The following PTPRD variants were observed in gnomAD, a reference collection of about 807,000 sequenced individuals.
The protein encoded by PTPRD is protein tyrosine phosphatase receptor type D, also known as receptor-type tyrosine-protein phosphatase delta.
PTPRD carries 34 observed loss-of-function variants against 214.5 expected under a neutral mutation model. The ratio of observed to expected loss-of-function variants is 0.16; its 90% confidence interval spans 0.12 to 0.21. PTPRD has a LOEUF of 0.21. PTPRD is among the 10% of genes least tolerant of loss of function. The pLI, the probability that PTPRD is intolerant of heterozygous loss-of-function variation, is 1.00. For missense variants in PTPRD, 2,545 were observed against 2,398.7 expected, an observed-to-expected ratio of 1.06 and a Z score of -1.27; for synonymous variants, 1,128 against 845.7, an observed-to-expected ratio of 1.33 and a Z score of -5.79.
intron 9 of PTPRD, among the ~76,000 whole-genome samples, chr9:9,256,244 A>T (rs1594667720): frequency 1.3e-5 from 2 of 152,162 alleles, no homozygotes; most frequent in East Asian, 1.9e-4. Context: ...GAAATTATAA[A>T]GGAAAGATCT....
rs1242577504 is a variant in PTPRD, at chr9:10,311,482, C to G, written c.-545+29481G>C. Among the ~76,000 whole-genome samples, 5 of 152,000 alleles carry G rather than the reference C, an allele frequency of 3.3e-5. No individual in the cohort carries two copies. In the East Asian group the frequency reaches 9.7e-4, roughly 29 times the overall value. ...TCATCTTATTTTGAAATTCAGTTCT[C>G]TCATCTACAAAATCAAGATAAATAT... On this transcript the variant is annotated intron_variant, in intron 3 of 45. Transcript: ENST00000381196.
At chr9:9,132,588 T>G (rs2099844457) in intron 10 of PTPRD, among the ~76,000 whole-genome samples, 1 of 152,214 alleles carries the variant, frequency 6.6e-6, no homozygotes, top group African/African-American at 2.4e-5. Context: ...GGAGACATAG[T>G]ATTCTCATTC....
At chr9:9,391,842 C>T (rs746739314) in intron 9 of PTPRD, among the ~76,000 whole-genome samples, 1 of 152,066 alleles carries the variant, frequency 6.6e-6, no homozygotes, top group Non-Finnish European at 1.5e-5. Flanking sequence ...TTCTACACAC[C>T]GTTTGTTCCT....
intron 5 of PTPRD, among the ~76,000 whole-genome samples, chr9:9,929,763 T>C (rs1228501336): frequency 2.0e-5 from 3 of 152,176 alleles, no homozygotes; most frequent in Non-Finnish European, 4.4e-5. Context: ...ATGGAGGATG[T>C]CCCTAGGAAG....
Position 9,061,666 on chromosome 9 carries a change from T to C in PTPRD, c.-142-42931A>G, listed in dbSNP as rs549089183. Among the ~76,000 whole-genome samples, 8 of 152,236 alleles carry C rather than the reference T, an allele frequency of 5.3e-5. 1 individual carries two copies. The highest frequency in any genetic ancestry group is 3.9e-4 in the Admixed American group (6 of 15,284). ...AGCCAGACTCCATTAAAAATATTAA[T>C]AAAAGAAGAGCACAAATTTATTAAA... On this transcript the variant is annotated intron_variant, in intron 10 of 45. Coordinates refer to ENST00000381196, the MANE Select transcript of PTPRD (RefSeq NM_002839.4).
chr9:10,150,658 T>TAA (rs376291904), intron 3 of PTPRD, among the ~76,000 whole-genome samples: 2 of 111,434 alleles, frequency 1.8e-5, no homozygotes, highest in Admixed American at 8.7e-5. Context: ...TAAAGTAAAA[T>TAA]AAAAAAAAAA....
intron 11 of PTPRD, among the ~76,000 whole-genome samples, chr9:8,835,043 C>G (rs975056960): frequency 6.6e-6 from 1 of 152,160 alleles, no homozygotes; most frequent in Non-Finnish European, 1.5e-5. Flanking sequence ...CTGGGTCAGG[C>G]AAGGACCCCA....
At chr9:8,528,840 G>T (rs952734737) in intron 14 of PTPRD, 61 bp from the exon 15 acceptor site, 17 of 1,523,182 alleles carry the variant, frequency 1.1e-5, no homozygotes, top group Non-Finnish European at 1.4e-5. Flanking sequence ...AAATTCAAGA[G>T]ATTCCCCAGA....
intron 12 of PTPRD, among the ~76,000 whole-genome samples, chr9:8,673,707 C>A (rs2097336399): frequency 6.6e-6 from 1 of 152,150 alleles, no homozygotes; most frequent in Non-Finnish European, 1.5e-5. Context: ...TGCAAAGCAG[C>A]ACCAGTATTT....
At chr9:10,562,020 T>C (rs1185264992) in intron 2 of PTPRD, among the ~76,000 whole-genome samples, 2 of 152,140 alleles carry the variant, frequency 1.3e-5, no homozygotes, top group African/African-American at 4.8e-5. Context: ...TTGTAAGTAA[T>C]GAAAGAAAGT....
intron 10 of PTPRD, chr9:9,090,917 A>C: frequency 1.3e-6 from 2 of 1,510,526 alleles, no homozygotes; most frequent in South Asian, 2.2e-5. Flanking sequence ...AAAAGAAGGA[A>C]CAATGGTCGT....
At chr9:9,211,630 C>G (rs1170303600) in intron 9 of PTPRD, among the ~76,000 whole-genome samples, 1 of 151,704 alleles carries the variant, frequency 6.6e-6, no homozygotes, top group East Asian at 1.9e-4. Flanking sequence ...AAATATTTGA[C>G]ATATACCAAA....
intron 15 of PTPRD, among the ~76,000 whole-genome samples, chr9:8,527,887 C>T (rs867594808): frequency 3.3e-5 from 5 of 152,102 alleles, no homozygotes; most frequent in East Asian, 1.9e-4. Context: ...AAAACCTTGA[C>T]GGGCGCACAC....
At chr9:9,452,549 A>G (rs2092390703) in intron 8 of PTPRD, among the ~76,000 whole-genome samples, 2 of 151,244 alleles carry the variant, frequency 1.3e-5, no homozygotes, top group Non-Finnish European at 3.0e-5. Context: ...AAACCACAGA[A>G]GTTGGCTTAA....
chr9:8,492,703 ATT>A (rs5896249), intron 27 of PTPRD, among the ~76,000 whole-genome samples, 157 bp downstream of exon 27: 137 of 143,384 alleles, frequency 9.6e-4, no homozygotes, highest in East Asian at 4.5e-3. Flanking sequence ...TCCCTGATCT[ATT>A]TTTTTTTTTT....
chr9:10,450,051 T>C (rs2098829857), intron 2 of PTPRD, among the ~76,000 whole-genome samples: 1 of 151,578 alleles, frequency 6.6e-6, no homozygotes, highest in Non-Finnish European at 1.5e-5. Context: ...AGCATGCTCC[T>C]TAAGAGTCAT....
intron 10 of PTPRD, among the ~76,000 whole-genome samples, chr9:9,079,645 C>T (rs1299686146): frequency 2.6e-5 from 4 of 152,014 alleles, no homozygotes; most frequent in African/African-American, 4.8e-5. Context: ...AGTTAGCTGT[C>T]GGTCTCATAT....
intron 11 of PTPRD, chr9:8,861,220 A>T (rs2098097869): frequency 6.6e-6 from 1 of 152,204 alleles, no homozygotes; most frequent in Non-Finnish European, 1.5e-5. Context: ...GAGACTAAAA[A>T]TAATCACGAT....
chr9:10,307,259 T>C (rs1388507078), intron 3 of PTPRD, among the ~76,000 whole-genome samples: 1 of 152,094 alleles, frequency 6.6e-6, no homozygotes, highest in Non-Finnish European at 1.5e-5. Flanking sequence ...TCCCGGGATG[T>C]AACTATCATG....
Sources: gnomAD v4.1 joint callset for allele counts (sites outside exome capture counted in the v4.1 genomes callset) on GRCh38, gnomAD v4.1.1 for gene constraint, MANE v1.5 for transcripts, NCBI Gene and HGNC (gene_info 2026-07-23, HGNC 2026-07-21) for gene names.